KIAA1549L: variants seen among roughly 807,000 people sequenced by gnomAD.
KIAA1549L encodes KIAA1549 like.
KIAA1549L carries 88 observed loss-of-function variants against 160.7 expected under a neutral mutation model. That is an observed-to-expected ratio of 0.55 (90% CI 0.46 to 0.65). The LOEUF (loss-of-function observed/expected upper bound fraction) is 0.65. Among genes scored for constraint, KIAA1549L ranks in the 30% least tolerant of loss-of-function variants. The pLI, the probability that KIAA1549L is intolerant of heterozygous loss-of-function variation, is 0.00. For synonymous variants in KIAA1549L, 950 were observed against 976.7 expected (o/e 0.97, Z 0.51); for missense variants, 2,258 against 2,437.5 (o/e 0.93, Z 1.55).
Position 33,584,278 on chromosome 11 carries a change from C to T in KIAA1549L, c.4566+777C>T, listed in dbSNP as rs182053221. ...GCCCGAACTGACTTAGACAAAGTCT[C>T]TTGGCTCCTAATGCAAGGCTCTCTG... On this transcript the variant is annotated intron_variant, in intron 11 of 20. Coordinates refer to ENST00000658780, the MANE Select transcript of KIAA1549L (RefSeq NM_012194.3). Among the ~76,000 whole-genome samples the T allele has an allele frequency of 1.6e-4, 25 of 152,326 alleles. No individual in the cohort carries two copies. The East Asian group carries it at 3.1e-3, about 19-fold the overall frequency.
chr11:33,600,693 T>C (rs921772518), intron 13 of KIAA1549L, among the ~76,000 whole-genome samples: 2 of 152,188 alleles, frequency 1.3e-5, no homozygotes, highest in Admixed American at 6.5e-5. Context: ...TGTATATCTT[T>C]CTCTGACCTT....
At chr11:33,662,228 T>A (rs1439669606) in intron 20 of KIAA1549L, among the ~76,000 whole-genome samples, 1 of 152,180 alleles carries the variant, frequency 6.6e-6, no homozygotes, top group African/African-American at 2.4e-5. Context: ...CCCAGTATAT[T>A]TTTTTTCTGA....
chr11:33,642,460 G>C (rs999698872), intron 16 of KIAA1549L, among the ~76,000 whole-genome samples: 2 of 152,198 alleles, frequency 1.3e-5, no homozygotes, highest in South Asian at 2.1e-4. Flanking sequence ...ACTTGGATAA[G>C]GGAGGGGAAG....
intron 1 of KIAA1549L, among the ~76,000 whole-genome samples, chr11:33,415,178 G>C (rs1285995879): frequency 1.3e-5 from 2 of 151,718 alleles, no homozygotes; most frequent in Non-Finnish European, 2.9e-5. Context: ...TGTTTGGCTA[G>C]TTCAGGGCGT....
At chr11:33,580,587 A>AAGAAAAG (rs1554994224) in intron 10 of KIAA1549L, among the ~76,000 whole-genome samples, 8 of 127,534 alleles carry the variant, frequency 6.3e-5, no homozygotes, top group African/African-American at 3.1e-4. Flanking sequence ...AAAAAAAAAA[A>AAGAAAAG]AAAAGAAAAG....
chr11:33,574,751 C>T lies in KIAA1549L; in HGVS notation c.4280C>T (p.Thr1427Ile). 1 of 1,613,906 alleles carries T rather than the reference C, an allele frequency of 6.2e-7. No individual in the cohort carries two copies. The highest frequency in any genetic ancestry group is 1.1e-5 in the South Asian group (1 of 91,064). ...VPGPKDPAELTYYTLYNGKPL... is the reference protein window; with the variant it reads ...VPGPKDPAELIYYTLYNGKPL... ...GGCCCGAAGGACCCAGCGGAGCTGA[C>T]TTACTATACCCTGTACAACGGGAAG... Residue 1427 changes from threonine to isoleucine, a missense_variant, in exon 10 of 21, where the codon ACT becomes ATT. Thr to Ile is a moderately conservative substitution (Grantham distance 89, BLOSUM62 -1). Coordinates refer to ENST00000658780, the MANE Select transcript of KIAA1549L (RefSeq NM_012194.3).
intron 1 of KIAA1549L, among the ~76,000 whole-genome samples, chr11:33,453,269 A>G (rs1260032516): frequency 6.6e-6 from 1 of 152,204 alleles, no homozygotes; most frequent in Non-Finnish European, 1.5e-5. Flanking sequence ...GGGCCTGTCT[A>G]AATTTTTCCA....
chr11:33,402,296 C>T (rs1428019474), intron 1 of KIAA1549L, among the ~76,000 whole-genome samples: 2 of 152,198 alleles, frequency 1.3e-5, no homozygotes, highest in Non-Finnish European at 2.9e-5. Context: ...CTAGACTCCT[C>T]CTCCTCCTTC....
chr11:33,566,209 A>G (rs1347353638), intron 8 of KIAA1549L, among the ~76,000 whole-genome samples: 2 of 152,088 alleles, frequency 1.3e-5, no homozygotes, highest in Admixed American at 6.5e-5. Context: ...TTGAAGCATC[A>G]CCGAGATTCC....
At chr11:33,464,774 C>T (rs1157289524) in intron 1 of KIAA1549L, among the ~76,000 whole-genome samples, 4 of 152,072 alleles carry the variant, frequency 2.6e-5, no homozygotes, top group Admixed American at 2.6e-4. Context: ...GTCCAGACCT[C>T]TTAGCAAGGC....
At chr11:33,513,450 A>G (rs1342610039) in intron 1 of KIAA1549L, among the ~76,000 whole-genome samples, 1 of 152,156 alleles carries the variant, frequency 6.6e-6, no homozygotes, top group Admixed American at 6.5e-5. Context: ...AGAACGTGCC[A>G]CTGGGCTTGG....
intron 1 of KIAA1549L, among the ~76,000 whole-genome samples, chr11:33,506,099 C>A (rs190471793): frequency 3.6e-4 from 55 of 152,284 alleles, no homozygotes; most frequent in African/African-American, 1.3e-3. Flanking sequence ...AGGATTTGAA[C>A]CCAGGCAGTC....
chr11:33,483,301 G>A (rs1232905749), intron 1 of KIAA1549L, among the ~76,000 whole-genome samples: 1 of 152,168 alleles, frequency 6.6e-6, no homozygotes, highest in South Asian at 2.1e-4. Flanking sequence ...GGGTAGACAG[G>A]GTTGGAAATT....
chr11:33,511,379 A>G (rs1422679245), intron 1 of KIAA1549L, among the ~76,000 whole-genome samples: 1 of 152,230 alleles, frequency 6.6e-6, no homozygotes, highest in Non-Finnish European at 1.5e-5. Context: ...GGATACTGAT[A>G]TCTTACTCAG....
chr11:33,542,214 C>T lies in KIAA1549L; in HGVS notation c.651C>T (p.Val217=), dbSNP rs533944836. 26 of 656,504 alleles carry T rather than the reference C, an allele frequency of 4.0e-5. No individual in the cohort carries two copies. The highest frequency in any genetic ancestry group is 3.6e-4 in the South Asian group (24 of 65,834). The allele number at this position is 656,504 out of a possible 1,614,324, so 40.7% of individuals were successfully genotyped here. The stretch of plus-strand genomic sequence containing the variant: ...CATCAGGGACATCCTTCAGTGCTGT[C>T]CCCCCATCCCAGCCAGTATGGGCAG... The part of the protein sequence containing the change: ...TVPSGTSFSA[V]PPSQPVWAGT... Residue 217 remains valine (V), a synonymous_variant, in exon 2 of 21, where the codon GTC becomes GTT. Transcript: ENST00000658780.
chr11:33,632,925 A>T (rs930133348), intron 16 of KIAA1549L, among the ~76,000 whole-genome samples: 19 of 151,630 alleles, frequency 1.3e-4, no homozygotes, highest in Admixed American at 2.0e-4. Context: ...AGTCTCCTCC[A>T]CGTCACTCTT....
intron 1 of KIAA1549L, among the ~76,000 whole-genome samples, chr11:33,500,456 T>C (rs907070429): frequency 6.6e-6 from 1 of 152,230 alleles, no homozygotes; most frequent in Non-Finnish European, 1.5e-5. Context: ...AACCAACTTA[T>C]GAAATATTCT....
At chr11:33,425,015 C>CT (rs1590234869) in intron 1 of KIAA1549L, among the ~76,000 whole-genome samples, 1 of 152,298 alleles carries the variant, frequency 6.6e-6, no homozygotes, top group East Asian at 1.9e-4. Flanking sequence ...GGCAGGGAGT[C>CT]AGTGCTAGTT....
chr11:33,523,331 G>A (rs1023587836), intron 1 of KIAA1549L, among the ~76,000 whole-genome samples: 1 of 152,214 alleles, frequency 6.6e-6, no homozygotes, highest in African/African-American at 2.4e-5. Flanking sequence ...ACTTTTCAAA[G>A]CCCTTAGTGT....
Sources: allele counts gnomAD v4.1 joint callset (sites outside exome capture counted in the v4.1 genomes callset), GRCh38; gene constraint gnomAD v4.1.1; transcripts MANE v1.5; gene names NCBI Gene and HGNC (gene_info 2026-07-23, HGNC 2026-07-21).